AOAH: variants seen among roughly 807,000 people sequenced by gnomAD.
The protein encoded by AOAH is acyloxyacyl hydrolase (neutrophil).
A neutral mutation model predicts 92.2 loss-of-function variants in AOAH; 64 were observed. The observed-to-expected ratio is 0.69, with a 90% CI of 0.57 to 0.86. The LOEUF is 0.86. Ranked by LOEUF, AOAH falls within the 40% of genes least tolerant of loss-of-function variation. The pLI is 0.00. For synonymous variants in AOAH, 263 were observed against 254.5 expected (o/e 1.03, Z -0.32); for missense variants, 656 against 694.6 (o/e 0.94, Z 0.62).
intron 5 of AOAH, among the ~76,000 whole-genome samples, chr7:36,633,410 C>G (rs1035465504): frequency 5.3e-5 from 8 of 152,184 alleles, no homozygotes; most frequent in Non-Finnish European, 8.8e-5. Flanking sequence ...TTCAGAGATG[C>G]AGAGTCTTGG....
At chr7:36,540,049 T>C (rs1187814119) in intron 16 of AOAH, among the ~76,000 whole-genome samples, 7 of 152,190 alleles carry the variant, frequency 4.6e-5, no homozygotes, top group Admixed American at 4.6e-4. Flanking sequence ...CACCTTCTGT[T>C]AGAGGAATTT....
At chr7:36,681,145 A>G (rs1464684511) in intron 2 of AOAH, among the ~76,000 whole-genome samples, 1 of 152,244 alleles carries the variant, frequency 6.6e-6, no homozygotes, top group Non-Finnish European at 1.5e-5. Flanking sequence ...AAAGGCAACC[A>G]GTTAAAACAA....
intron 12 of AOAH, among the ~76,000 whole-genome samples, chr7:36,586,402 C>G (rs1419116044): frequency 6.6e-6 from 1 of 152,190 alleles, no homozygotes; most frequent in African/African-American, 2.4e-5. Flanking sequence ...TCTCAGCTCT[C>G]ATCTTCCTCT....
At chr7:36,610,159 CAAAA>C (rs71553082) in intron 11 of AOAH, among the ~76,000 whole-genome samples, 4 of 49,276 alleles carry the variant, frequency 8.1e-5, no homozygotes, top group Admixed American at 3.0e-4. Context: ...TCCATAATAG[CAAAA>C]AAAAAAAAAA....
chr7:36,514,469 T>C (rs1251441011), intron 20 of AOAH: 15 of 1,532,700 alleles, frequency 9.8e-6, no homozygotes, highest in African/African-American at 4.1e-5. Flanking sequence ...GCCTGAGGCT[T>C]ACTCTCTGGT....
At chr7:36,659,106 A>C (rs1795049086) in intron 4 of AOAH, 60 bp downstream of exon 4, 1 of 1,405,266 alleles carries the variant, frequency 7.1e-7, no homozygotes, top group African/African-American at 1.4e-5. Flanking sequence ...TCCCTTTCTA[A>C]CATTTCCAAA....
At chr7:36,717,461 A>G (rs1342365875) in intron 1 of AOAH, among the ~76,000 whole-genome samples, 2 of 151,898 alleles carry the variant, frequency 1.3e-5, no homozygotes, top group African/African-American at 4.8e-5. Context: ...CAGAAGGTGA[A>G]CACACTTCTG....
rs140774569 is a variant in AOAH, at chr7:36,619,871, G to A, written c.702+910C>T. ...TGTGAAAATAATTGCAGTTTTTGCC[G>A]TTAATTACAAAAACTGCAATTACTT... is the stretch of plus-strand genomic sequence containing the variant. On this transcript the variant is annotated intron_variant, in intron 9 of 20. Transcript: ENST00000617537. Among the ~76,000 whole-genome samples the A allele has an allele frequency of 1.5e-4, 23 of 152,168 alleles. No individual in the cohort carries two copies. In the East Asian group the frequency reaches 3.5e-3, roughly 23 times the overall value.
chr7:36,631,920 T>G, intron 6 of AOAH, 116 bp downstream of exon 6: 1 of 748,748 alleles, frequency 1.3e-6, no homozygotes, highest in South Asian at 1.8e-5. Flanking sequence ...AAAGAAACAC[T>G]CTCACCTTCA....
chr7:36,561,417 T>C (rs1030093652), intron 13 of AOAH, among the ~76,000 whole-genome samples: 2 of 152,176 alleles, frequency 1.3e-5, no homozygotes, highest in African/African-American at 4.8e-5. Flanking sequence ...TGAGGCCTAT[T>C]ATCTCTATTC....
intron 1 of AOAH, among the ~76,000 whole-genome samples, chr7:36,694,128 C>G (rs1021376740): frequency 1.3e-5 from 2 of 152,172 alleles, no homozygotes; most frequent in Non-Finnish European, 2.9e-5. Context: ...TTTACTTTCT[C>G]ATTTTTTTGT....
intron 13 of AOAH, among the ~76,000 whole-genome samples, chr7:36,571,384 C>T (rs1464808799): frequency 6.6e-6 from 1 of 152,196 alleles, no homozygotes; most frequent in East Asian, 1.9e-4. Flanking sequence ...CCCAGCACAT[C>T]CAAGAGCTCC....
At chr7:36,550,762 T>G (rs542519518) in intron 13 of AOAH, among the ~76,000 whole-genome samples, 48 of 152,350 alleles carry the variant, frequency 3.2e-4, no homozygotes, top group African/African-American at 9.4e-4. Flanking sequence ...CAGTTGCCCC[T>G]TTCCATAGGA....
chr7:36,623,287 A>G, intron 6 of AOAH, 37 bp from the exon 7 acceptor site: 1 of 1,577,586 alleles, frequency 6.3e-7, no homozygotes, highest in Non-Finnish European at 8.7e-7. Flanking sequence ...GTGAGCTAAC[A>G]AAAAAAGTAA....
chr7:36,593,459 C>T (rs1789893528), intron 12 of AOAH, among the ~76,000 whole-genome samples: 1 of 152,224 alleles, frequency 6.6e-6, no homozygotes, highest in African/African-American at 2.4e-5. Context: ...TCACAGTTCT[C>T]ATGGCTTATC....
chr7:36,653,631 A>G (rs1794709951), intron 4 of AOAH, among the ~76,000 whole-genome samples: 1 of 152,174 alleles, frequency 6.6e-6, no homozygotes, highest in African/African-American at 2.4e-5. Context: ...TTGCTTTCCT[A>G]AGGCAGCAGG....
chr7:36,710,031 T>C (rs745797531), intron 1 of AOAH, among the ~76,000 whole-genome samples: 32 of 152,206 alleles, frequency 2.1e-4, no homozygotes, highest in Admixed American at 3.9e-4. Context: ...TTGAAGGCTC[T>C]TTTTGGTCTT....
intron 3 of AOAH, among the ~76,000 whole-genome samples, chr7:36,659,580 G>C (rs1795086818): frequency 6.6e-6 from 1 of 152,158 alleles, no homozygotes; most frequent in African/African-American, 2.4e-5. Context: ...GAAAGAAAAA[G>C]TGGGCAGGGA....
intron 4 of AOAH, among the ~76,000 whole-genome samples, chr7:36,647,837 C>CTT (rs200177551): frequency 6.0e-4 from 87 of 145,336 alleles, no homozygotes; most frequent in African/African-American, 9.3e-4. Flanking sequence ...CCTTAGAGTT[C>CTT]TTTTTTTTTT....
Sources: allele counts gnomAD v4.1 joint callset (sites outside exome capture counted in the v4.1 genomes callset), GRCh38; gene constraint gnomAD v4.1.1; transcripts MANE v1.5; gene names NCBI Gene and HGNC (gene_info 2026-07-23, HGNC 2026-07-21).